The following PTPRD variants were observed in gnomAD, a reference collection of about 807,000 sequenced individuals.
PTPRD encodes the protein protein tyrosine phosphatase receptor type D.
Under a neutral mutation model 214.5 loss-of-function variants are expected in PTPRD, and 34 were observed. That is an observed-to-expected ratio of 0.16 (90% confidence interval 0.12 to 0.21). The LOEUF (loss-of-function observed/expected upper bound fraction) is 0.21, where lower values mean the gene tolerates loss of function less well. PTPRD is among the 10% of genes least tolerant of loss of function. The pLI is 1.00. For missense variants in PTPRD, 2,545 were observed against 2,398.7 expected (o/e 1.06, Z -1.27); for synonymous variants, 1,128 against 845.7 (o/e 1.33, Z -5.79).
chr9:9,043,898 T>C (rs2099656453), intron 10 of PTPRD, among the ~76,000 whole-genome samples: 1 of 144,952 alleles, frequency 6.9e-6, no homozygotes, highest in African/African-American at 2.6e-5. Context: ...AGTGAGACCC[T>C]GTCTCAAAAA....
intron 3 of PTPRD, among the ~76,000 whole-genome samples, chr9:10,297,438 A>G (rs2095712718): frequency 6.6e-6 from 1 of 151,956 alleles, no homozygotes; most frequent in South Asian, 2.1e-4. Flanking sequence ...GAAAAAGCAG[A>G]GGTTAGGCAA....
intron 5 of PTPRD, among the ~76,000 whole-genome samples, chr9:9,836,959 T>C (rs1459954191): frequency 1.3e-5 from 2 of 152,184 alleles, no homozygotes; most frequent in African/African-American, 2.4e-5. Context: ...CACCAGTTGG[T>C]AAAAAGCCTC....
At chr9:10,072,661 G>A (rs1419205221) in intron 3 of PTPRD, among the ~76,000 whole-genome samples, 2 of 152,142 alleles carry the variant, frequency 1.3e-5, no homozygotes, top group Middle Eastern at 3.4e-3. Flanking sequence ...TTAGGATCGT[G>A]CTTATTGTTG....
At chr9:9,682,405 A>C (rs2097092326) in intron 7 of PTPRD, among the ~76,000 whole-genome samples, 1 of 151,780 alleles carries the variant, frequency 6.6e-6, no homozygotes, top group African/African-American at 2.4e-5. Flanking sequence ...TGTCAAAGTC[A>C]GGAGGTGATT....
At chr9:9,242,429 C>T (rs922693337) in intron 9 of PTPRD, among the ~76,000 whole-genome samples, 4 of 152,134 alleles carry the variant, frequency 2.6e-5, no homozygotes, top group Non-Finnish European at 5.9e-5. Flanking sequence ...GGATAATATC[C>T]TGCAGAGTGT....
intron 11 of PTPRD, among the ~76,000 whole-genome samples, chr9:8,778,908 G>T (rs1389073703): frequency 1.3e-5 from 2 of 152,082 alleles, no homozygotes; most frequent in Admixed American, 6.6e-5. Context: ...ATGGTAAAAG[G>T]TGTTTTATTA....
intron 7 of PTPRD, among the ~76,000 whole-genome samples, chr9:9,583,696 T>C (rs1031918163): frequency 6.6e-6 from 1 of 152,068 alleles, no homozygotes; most frequent in Non-Finnish European, 1.5e-5. Flanking sequence ...GTTCACAAGA[T>C]TGGTATAGCC....
intron 5 of PTPRD, among the ~76,000 whole-genome samples, chr9:9,907,445 T>TC (rs1566184334): frequency 6.6e-6 from 1 of 151,880 alleles, no homozygotes; most frequent in Non-Finnish European, 1.5e-5. Context: ...TCATGAGGCC[T>TC]CCCTTTCTCC....
At chr9:9,821,382 C>T (rs1354609255) in intron 5 of PTPRD, among the ~76,000 whole-genome samples, 1 of 152,108 alleles carries the variant, frequency 6.6e-6, no homozygotes, top group Non-Finnish European at 1.5e-5. Context: ...ATTGTACACA[C>T]ATTTGTGTGT....
At chr9:10,573,636 G>T (rs1342086773) in intron 2 of PTPRD, among the ~76,000 whole-genome samples, 1 of 152,184 alleles carries the variant, frequency 6.6e-6, no homozygotes, top group Non-Finnish European at 1.5e-5. Context: ...GGCTGAAGGG[G>T]GAGGAAGCTG....
chr9:10,381,710 G>C (rs895648823), intron 2 of PTPRD, among the ~76,000 whole-genome samples: 5 of 151,808 alleles, frequency 3.3e-5, no homozygotes, highest in African/African-American at 9.7e-5. Context: ...CACATACAAA[G>C]TTATCTACAG....
At chr9:10,220,293 T>C (rs1396534387) in intron 3 of PTPRD, among the ~76,000 whole-genome samples, 1 of 151,938 alleles carries the variant, frequency 6.6e-6, no homozygotes, top group Non-Finnish European at 1.5e-5. Context: ...ATTATTAGTC[T>C]TACTTATGTT....
Position 10,504,115 on chromosome 9 carries a change from CAAAAAAAAAAAA to C in PTPRD, c.-600+108271_-600+108282del, listed in dbSNP as rs71332747. Among the ~76,000 whole-genome samples, 12 of 26,962 alleles carry C rather than the reference CAAAAAAAAAAAA, an allele frequency of 4.5e-4. 1 individual carries two copies. The highest frequency in any genetic ancestry group is 2.5e-3 in the South Asian group (1 of 402). The allele number at this position is 26,962 out of a possible 152,430, so 17.7% of individuals were successfully genotyped here. A position where few individuals can be genotyped will look rare whatever the true frequency, so the allele number is the denominator to read the frequency against. Reference sequence around the variant, plus strand: ...TGGGGCACAGAGCGAGACTCTGTCTCAAAAAAAAAAAAAAAAAAAAAAAAAAGATGTACGGGG... The same window carrying C: ...TGGGGCACAGAGCGAGACTCTGTCTCAAAAAAAAAAAAAAGATGTACGGGG... On this transcript the variant is annotated intron_variant, in intron 2 of 45. Coordinates refer to ENST00000381196, the MANE Select transcript of PTPRD (RefSeq NM_002839.4).
chr9:8,335,837 A>T (rs1230739580), intron 43 of PTPRD, among the ~76,000 whole-genome samples: 2 of 152,134 alleles, frequency 1.3e-5, no homozygotes, highest in Non-Finnish European at 2.9e-5. Context: ...GCACTCCTAT[A>T]TACCAATAAC....
chr9:9,962,282 C>T (rs547735481), intron 4 of PTPRD, among the ~76,000 whole-genome samples: 12 of 151,416 alleles, frequency 7.9e-5, no homozygotes, highest in African/African-American at 2.7e-4. Flanking sequence ...TTAAGACAAC[C>T]AAATTGAGAA....
chr9:10,033,837 T>G (rs1034359119), intron 3 of PTPRD, 47 bp from the exon 4 acceptor site: 1 of 152,148 alleles, frequency 6.6e-6, no homozygotes, highest in Non-Finnish European at 1.5e-5. Flanking sequence ...TCTCTGGCAG[T>G]TGTATTATGT....
chr9:9,827,759 C>A (rs888039845), intron 5 of PTPRD, among the ~76,000 whole-genome samples: 12 of 152,278 alleles, frequency 7.9e-5, no homozygotes, highest in Non-Finnish European at 1.3e-4. Flanking sequence ...ATCTACTCAT[C>A]TGACAAAGGG....
At chr9:8,649,760 T>C (rs1322755053) in intron 12 of PTPRD, among the ~76,000 whole-genome samples, 1 of 152,222 alleles carries the variant, frequency 6.6e-6, no homozygotes, top group African/African-American at 2.4e-5. Flanking sequence ...TTACAATACA[T>C]ATTTCCTAAG....
chr9:8,825,764 G>C (rs983547101), intron 11 of PTPRD, among the ~76,000 whole-genome samples: 1 of 151,916 alleles, frequency 6.6e-6, no homozygotes, highest in Non-Finnish European at 1.5e-5. Flanking sequence ...GCTAAACAAG[G>C]GGTGGATTAT....
Sources: allele counts gnomAD v4.1 joint callset (sites outside exome capture counted in the v4.1 genomes callset), GRCh38; gene constraint gnomAD v4.1.1; transcripts MANE v1.5; gene names NCBI Gene and HGNC (gene_info 2026-07-23, HGNC 2026-07-21).